The following PATL2 variants were observed in gnomAD, a reference collection of about 807,000 sequenced individuals.
PATL2 encodes the protein protein PAT1 homolog 2.
PATL2 carries 73 observed loss-of-function variants against 77.0 expected under a neutral mutation model. That is an observed-to-expected ratio of 0.95 (90% confidence interval 0.78 to 1.15). The LOEUF is 1.15. Among genes scored for constraint, PATL2 ranks in the 50% most tolerant of loss-of-function variants. PATL2 has a pLI of 0.00. For missense variants in PATL2, 618 were observed against 655.4 expected, an observed-to-expected ratio of 0.94 and a Z score of 0.62; for synonymous variants, 265 against 257.1, an observed-to-expected ratio of 1.03 and a Z score of -0.29.
chr15:44,666,010 A>C (rs1566844899), intron 17 of PATL2, 39 bp from the exon 18 acceptor site: 1 of 1,477,576 alleles, frequency 6.8e-7, no homozygotes, highest in Non-Finnish European at 9.1e-7. Context: ...GCACAATTCT[A>C]CTTTGCAAGT....
chr15:44,672,529 C>T, intron 7 of PATL2, 73 bp from the exon 8 acceptor site: 1 of 1,419,024 alleles, frequency 7.0e-7, no homozygotes, highest in Non-Finnish European at 9.7e-7. Context: ...TCATTCAGCC[C>T]AGGTCAGCTC....
rs559945852 is a variant in PATL2 at position 44,680,486 on chromosome 15, C to T, written c.-75-3921G>A. 8.5e-5 allele frequency among the ~76,000 whole-genome samples: 13 copies of T among 152,296 alleles called. No homozygotes were observed. The East Asian group carries it at 2.5e-3, about 29-fold the overall frequency. ...AGGAAATTATACACAGCCACAGGCC[C>T]CCCACCTTGCACTTCCAGGTGGGGG... On this transcript the variant is annotated intron_variant, in intron 3 of 17. Transcript: ENST00000682850.
At chr15:44,710,298 G>GT (rs2141281340) in intron 2 of PATL2, among the ~76,000 whole-genome samples, 84 bp from the exon 3 acceptor site, 1 of 152,310 alleles carries the variant, frequency 6.6e-6, no homozygotes, top group South Asian at 2.1e-4. Flanking sequence ...GAAAACCATG[G>GT]TGACTTCCAA....
At chr15:44,703,495 G>C (rs2086671326) in intron 3 of PATL2, among the ~76,000 whole-genome samples, 1 of 151,898 alleles carries the variant, frequency 6.6e-6, no homozygotes, top group South Asian at 2.1e-4. Context: ...TTTTACAATT[G>C]TTATATACTC....
intron 10 of PATL2, 28 bp from the exon 11 acceptor site, chr15:44,669,902 TC>T (rs1179581760): frequency 1.3e-6 from 2 of 1,550,574 alleles, no homozygotes; most frequent in South Asian, 1.2e-5. Context: ...CACATTTCCT[TC>T]CCCCTCCCAC....
chr15:44,706,546 G>A (rs2086740394), intron 3 of PATL2, among the ~76,000 whole-genome samples: 1 of 152,220 alleles, frequency 6.6e-6, no homozygotes, highest in Non-Finnish European at 1.5e-5. Context: ...GATAAGATCT[G>A]GAAGAATTCT....
intron 3 of PATL2, chr15:44,677,024 C>T (rs1566858486): frequency 1.7e-6 from 1 of 579,586 alleles, no homozygotes; most frequent in Non-Finnish European, 2.2e-6. Context: ...AATATGAGAA[C>T]ATAGTTTAAT....
chr15:44,673,298 C>T lies in PATL2; in HGVS notation c.383G>A (p.Arg128Gln), dbSNP rs532046756. ...GAGAGTTGGGTCTGGTGAGGGCAGC[C>T]GAGGTCCAAAGTGCTGTGCTGGAGA... ...TSSPAQHFGP[R>Q]LPSPDPTLFC... The change falls in exon 7 of 18, where the codon CGG becomes CAG. Residue 128 changes from arginine to glutamine, a missense_variant. Arg to Gln is a conservative substitution (Grantham distance 43). Transcript: ENST00000682850. The T allele has an allele frequency of 1.2e-5, 18 of 1,551,582 alleles. No homozygotes were observed. In the South Asian group the frequency reaches 1.2e-4, roughly 10 times the overall value.
At chr15:44,682,578 C>G (rs1384636193) in intron 3 of PATL2, among the ~76,000 whole-genome samples, 3 of 152,190 alleles carry the variant, frequency 2.0e-5, no homozygotes, top group African/African-American at 7.2e-5. Context: ...TTCTTGCCAG[C>G]CACCTGGGTG....
chr15:44,669,659 G>C, intron 11 of PATL2, 96 bp from the exon 12 acceptor site: 1 of 1,515,134 alleles, frequency 6.6e-7, no homozygotes, highest in Non-Finnish European at 8.9e-7. Flanking sequence ...GGAAAGGCTA[G>C]AAACAAAGTC....
intron 3 of PATL2, among the ~76,000 whole-genome samples, chr15:44,687,274 T>C (rs1269735755): frequency 6.6e-6 from 1 of 152,172 alleles, no homozygotes; most frequent in Non-Finnish European, 1.5e-5. Context: ...ATTAACGTAA[T>C]CCATCACATA....
chr15:44,699,523 A>G (rs145763984), intron 3 of PATL2, among the ~76,000 whole-genome samples: 48 of 152,208 alleles, frequency 3.2e-4, no homozygotes, highest in African/African-American at 1.1e-3. Flanking sequence ...TATTTTTAGT[A>G]GAGACAGGGT....
At chr15:44,699,216 T>C (rs2086576870) in intron 3 of PATL2, among the ~76,000 whole-genome samples, 1 of 152,294 alleles carries the variant, frequency 6.6e-6, no homozygotes, top group Non-Finnish European at 1.5e-5. Flanking sequence ...TCTTTGTTGA[T>C]TGTTTCTTTT....
chr15:44,666,957 A>G, intron 16 of PATL2, 149 bp downstream of exon 16: 2 of 661,018 alleles, frequency 3.0e-6, no homozygotes, highest in Non-Finnish European at 5.2e-6. Flanking sequence ...CACTATAGAA[A>G]AAAAGCAGAA....
At chr15:44,676,358 G>A in intron 4 of PATL2, 117 bp downstream of exon 4, 2 of 929,140 alleles carry the variant, frequency 2.2e-6, no homozygotes, top group East Asian at 2.6e-5. Context: ...ATTAGCAAGT[G>A]GAAGAATTTG....
At chr15:44,680,767 C>T (rs903421499) in intron 3 of PATL2, among the ~76,000 whole-genome samples, 3 of 152,200 alleles carry the variant, frequency 2.0e-5, no homozygotes, top group Admixed American at 6.5e-5. Context: ...CTGTTGCTTT[C>T]TGGCTTTTGA....
Position 44,666,410 on chromosome 15 carries a change from T to G in PATL2, c.1595A>C (p.Gln532Pro), listed in dbSNP as rs201470968. 107 of 1,551,608 alleles carry G rather than the reference T, an allele frequency of 6.9e-5. No individual in the cohort carries two copies. Among genetic ancestry groups the G allele is most frequent in the Admixed American group, 4.3e-4 (22 of 50,980 alleles). The change falls in exon 17 of 18, where the codon CAG becomes CCG. Residue 532 changes from glutamine to proline, a missense_variant. Transcript: ENST00000682850. ...CHHVDKQLVQ[Q>P]LEARMEFAWI... The stretch of plus-strand genomic sequence containing the variant: ...TACTTACTCCATCCTGGCCTCCAGC[T>G]GCTGAACCAATTGTTTGTCCACGTG...
chr15:44,667,883 C>T (rs552755193), intron 15 of PATL2, among the ~76,000 whole-genome samples: 24 of 152,236 alleles, frequency 1.6e-4, no homozygotes, highest in Non-Finnish European at 2.2e-4. Flanking sequence ...GCAGAGCTTG[C>T]AGTGAGCCAA....
At chr15:44,691,282 A>G in intron 3 of PATL2, among the ~76,000 whole-genome samples, 1 of 152,208 alleles carries the variant, frequency 6.6e-6, no homozygotes. Context: ...CCAATGATTT[A>G]TAACATAACA....
Sources: allele counts gnomAD v4.1 joint callset (sites outside exome capture counted in the v4.1 genomes callset), GRCh38; gene constraint gnomAD v4.1.1; transcripts MANE v1.5; gene names NCBI Gene and HGNC (gene_info 2026-07-23, HGNC 2026-07-21).